FMNL2: variants seen among roughly 807,000 people sequenced by gnomAD.
The protein encoded by FMNL2 is formin-like protein 2.
In FMNL2, 51 loss-of-function variants were observed where a neutral mutation model predicts 130.2. That is an observed-to-expected ratio of 0.39 (90% confidence interval 0.31 to 0.49). FMNL2 has a LOEUF of 0.49. Ranked by LOEUF, FMNL2 falls within the 20% of genes least tolerant of loss-of-function variation. FMNL2 has a pLI of 0.85. For synonymous variants in FMNL2, 465 were observed against 467.1 expected (o/e 1.00, Z 0.06); for missense variants, 977 against 1,316.2 (o/e 0.74, Z 3.99).
At chr2:152,335,804 C>T (rs1681377025) in intron 1 of FMNL2, 84 bp downstream of exon 1, 1 of 1,033,064 alleles carries the variant, frequency 9.7e-7, no homozygotes, top group Non-Finnish European at 1.3e-6. Context: ...CCCCTTCACC[C>T]CGTGCCGGGA....
intron 1 of FMNL2, among the ~76,000 whole-genome samples, chr2:152,404,352 G>A (rs1685869862): frequency 6.6e-6 from 1 of 152,072 alleles, no homozygotes. Flanking sequence ...ACATCCCATA[G>A]CATTGCAGTG....
rs1280622728 is a variant in FMNL2 at position 152,576,894 on chromosome 2, A to G, written c.705+1650A>G. On this transcript the variant is annotated intron_variant, in intron 7 of 25. Transcript: ENST00000288670. ...TGAGTAAGAGGGAGAAGAGTAGAAG[A>G]TGAAGTCAGATGTGACAGGGAGTTT... 2.0e-5 allele frequency among the ~76,000 whole-genome samples: 3 copies of G among 152,198 alleles called. No homozygotes were observed. The East Asian group carries it at 5.8e-4, about 29-fold the overall frequency.
At chr2:152,399,181 C>T (rs1685550952) in intron 1 of FMNL2, among the ~76,000 whole-genome samples, 2 of 152,344 alleles carry the variant, frequency 1.3e-5, no homozygotes, top group South Asian at 4.1e-4. Context: ...GAGGCTTCCT[C>T]TGCCCAGGGT....
At chr2:152,542,648 T>G in intron 2 of FMNL2, 91 bp from the exon 3 acceptor site, 4 of 1,265,728 alleles carry the variant, frequency 3.2e-6, no homozygotes, top group African/African-American at 1.5e-5. Flanking sequence ...TGTGGATGCA[T>G]TTTGGTCATA....
chr2:152,459,423 G>A (rs1017681277), intron 1 of FMNL2, among the ~76,000 whole-genome samples: 1 of 152,172 alleles, frequency 6.6e-6, no homozygotes. Flanking sequence ...CTGAAGAGTT[G>A]AGTCTAAGTG....
At chr2:152,501,842 A>G (rs1691854623) in intron 1 of FMNL2, among the ~76,000 whole-genome samples, 1 of 152,142 alleles carries the variant, frequency 6.6e-6, no homozygotes, top group African/African-American at 2.4e-5. Flanking sequence ...CGATTTACAT[A>G]TTGGCAGAAG....
chr2:152,459,078 C>A (rs1689103780), intron 1 of FMNL2, among the ~76,000 whole-genome samples: 2 of 152,138 alleles, frequency 1.3e-5, no homozygotes, highest in African/African-American at 4.8e-5. Flanking sequence ...CACCAAACCT[C>A]TAGATTTTTT....
chr2:152,539,849 A>G (rs144947163), intron 2 of FMNL2, among the ~76,000 whole-genome samples: 1 of 152,210 alleles, frequency 6.6e-6, no homozygotes, highest in Non-Finnish European at 1.5e-5. Flanking sequence ...TACATGTGCT[A>G]CTCCACCAAA....
At chr2:152,391,698 C>G (rs1313805802) in intron 1 of FMNL2, among the ~76,000 whole-genome samples, 1 of 144,976 alleles carries the variant, frequency 6.9e-6, no homozygotes, top group Non-Finnish European at 1.5e-5. Context: ...TGACTTGAAG[C>G]AAGAACATTA....
chr2:152,335,869 G>C, intron 1 of FMNL2, 149 bp downstream of exon 1: 1 of 531,834 alleles, frequency 1.9e-6, no homozygotes, highest in Non-Finnish European at 3.2e-6. Flanking sequence ...TGGCCCCCCA[G>C]CACTCCTCTT....
intron 1 of FMNL2, among the ~76,000 whole-genome samples, chr2:152,363,017 G>A (rs1203125168): frequency 6.6e-6 from 1 of 152,200 alleles, no homozygotes; most frequent in Non-Finnish European, 1.5e-5. Context: ...ATTAGTGGTT[G>A]CCTAGGGCTA....
intron 19 of FMNL2, 46 bp downstream of exon 19, chr2:152,629,770 G>C (rs748650425): frequency 6.2e-7 from 1 of 1,603,720 alleles, no homozygotes; most frequent in Non-Finnish European, 8.5e-7. Flanking sequence ...CTTCAGCTGC[G>C]TTCAGTGCCT....
intron 3 of FMNL2, among the ~76,000 whole-genome samples, chr2:152,544,640 G>A (rs974243110): frequency 3.3e-5 from 5 of 152,176 alleles, no homozygotes; most frequent in Non-Finnish European, 7.3e-5. Flanking sequence ...CAGAGATGCT[G>A]ATGTTTATAC....
chr2:152,595,725 A>T (rs939378802), intron 9 of FMNL2, among the ~76,000 whole-genome samples: 1 of 151,598 alleles, frequency 6.6e-6, no homozygotes, highest in African/African-American at 2.4e-5. Flanking sequence ...TGTTCTATAT[A>T]TTTTTTTTCC....
Position 152,488,271 on chromosome 2 carries a change from G to A in FMNL2, c.118-33672G>A, listed in dbSNP as rs562214394. 2.6e-5 allele frequency among the ~76,000 whole-genome samples: 4 copies of A among 152,202 alleles called. No individual in the cohort carries two copies. In the South Asian group the frequency reaches 8.3e-4, roughly 32 times the overall value. On this transcript the variant is annotated intron_variant, in intron 1 of 25. Coordinates refer to ENST00000288670, the MANE Select transcript of FMNL2 (RefSeq NM_052905.4). ...AAGAGCTTGCCTGTGGGTGGTTGTA[G>A]CAAGTGTCTTCTTATTATTTCACAA...
At chr2:152,388,568 T>C (rs1684920749) in intron 1 of FMNL2, among the ~76,000 whole-genome samples, 1 of 152,100 alleles carries the variant, frequency 6.6e-6, no homozygotes, top group Non-Finnish European at 1.5e-5. Flanking sequence ...TTATGGGAAC[T>C]ACAATTCAAG....
intron 2 of FMNL2, among the ~76,000 whole-genome samples, chr2:152,527,596 T>C (rs996394400): frequency 2.6e-5 from 4 of 152,192 alleles, no homozygotes; most frequent in African/African-American, 9.6e-5. Flanking sequence ...AGTAAGAATT[T>C]GGATTAATAG....
intron 22 of FMNL2, among the ~76,000 whole-genome samples, chr2:152,637,245 T>C (rs1275617523): frequency 3.9e-5 from 6 of 152,342 alleles, no homozygotes; most frequent in African/African-American, 1.4e-4. Flanking sequence ...GCCACGGCCT[T>C]TGGAAACTCC....
chr2:152,381,124 A>T (rs1001355665), intron 1 of FMNL2, among the ~76,000 whole-genome samples: 2 of 152,216 alleles, frequency 1.3e-5, no homozygotes, highest in Non-Finnish European at 2.9e-5. Context: ...AAGGATATTG[A>T]TCACAACATA....
Sources: gnomAD v4.1 joint callset for allele counts (sites outside exome capture counted in the v4.1 genomes callset) on GRCh38, gnomAD v4.1.1 for gene constraint, MANE v1.5 for transcripts, NCBI Gene and HGNC (gene_info 2026-07-23, HGNC 2026-07-21) for gene names.